LGALS14: variants seen among roughly 807,000 people sequenced by gnomAD.
The protein encoded by LGALS14 is galectin 14, also known as placental protein 13-like.
LGALS14 carries 14 observed loss-of-function variants against 14.6 expected under a neutral mutation model. The ratio of observed to expected loss-of-function variants is 0.96; its 90% CI spans 0.64 to 1.50. The LOEUF is 1.50. Ranked by LOEUF, LGALS14 falls within the 40% of genes most tolerant of loss-of-function variation. LGALS14 has a pLI of 0.00. For synonymous variants in LGALS14, 57 were observed against 63.9 expected (o/e 0.89, Z 0.51); for missense variants, 180 against 172.0 (o/e 1.05, Z -0.26).
chr19:39,705,084 A>G (rs1973694910), intron 1 of LGALS14, among the ~76,000 whole-genome samples: 1 of 151,892 alleles, frequency 6.6e-6, no homozygotes, highest in South Asian at 2.1e-4. Context: ...ACACAGCAGC[A>G]CCTCTGATGA....
intron 1 of LGALS14, among the ~76,000 whole-genome samples, chr19:39,705,001 T>C (rs1973693799): frequency 6.6e-6 from 1 of 152,126 alleles, no homozygotes; most frequent in Non-Finnish European, 1.5e-5. Context: ...TATGGGTGTG[T>C]GTGCTGGGAT....
intron 2 of LGALS14, 139 bp from the exon 3 acceptor site, chr19:39,707,039 C>T: frequency 2.9e-6 from 2 of 691,914 alleles, no homozygotes. Context: ...GCTAAAGCGT[C>T]CCCACAGGGA....
chr19:39,706,900 T>C (rs1973722643), intron 2 of LGALS14, among the ~76,000 whole-genome samples: 1 of 152,126 alleles, frequency 6.6e-6, no homozygotes, highest in African/African-American at 2.4e-5. Flanking sequence ...GGGTTTGGGT[T>C]GTGGCTCTTT....
chr19:39,707,679 G>C (rs1165041939), intron 3 of LGALS14, among the ~76,000 whole-genome samples: 1 of 152,066 alleles, frequency 6.6e-6, no homozygotes, highest in Non-Finnish European at 1.5e-5. Flanking sequence ...TTTTCATTTA[G>C]CTGAATGTAT....
intron 3 of LGALS14, among the ~76,000 whole-genome samples, chr19:39,708,459 G>GA (rs1044234422): frequency 8.6e-5 from 13 of 151,128 alleles, no homozygotes; most frequent in African/African-American, 2.2e-4. Flanking sequence ...AAGATAATTA[G>GA]AAAAAAATGA....
At chr19:39,705,455 C>T (rs1183368252) in intron 1 of LGALS14, among the ~76,000 whole-genome samples, 3 of 152,064 alleles carry the variant, frequency 2.0e-5, no homozygotes, top group African/African-American at 7.2e-5. Flanking sequence ...ACAAAATATC[C>T]ACTGTAAGCT....
chr19:39,709,076 G>A (rs920491242), intron 3 of LGALS14, 121 bp from the exon 4 acceptor site: 35 of 742,200 alleles, frequency 4.7e-5, no homozygotes, highest in Non-Finnish European at 8.4e-5. Context: ...TGTCTACTAG[G>A]TTCACTTGTG....
At chr19:39,708,118 G>A (rs866724032) in intron 3 of LGALS14, among the ~76,000 whole-genome samples, 1 of 152,104 alleles carries the variant, frequency 6.6e-6, no homozygotes, top group Admixed American at 6.6e-5. Flanking sequence ...CCTTTCAGAG[G>A]AAATCTTTTC....
chr19:39,706,127 T>C (rs1027295414), intron 1 of LGALS14: 1 of 1,411,574 alleles, frequency 7.1e-7, no homozygotes, highest in African/African-American at 1.4e-5. Context: ...TCAAGTCTTG[T>C]TTTCATTTTC....
At chr19:39,707,502 C>G (rs777703135) in intron 3 of LGALS14, 114 bp downstream of exon 3, 1 of 831,320 alleles carries the variant, frequency 1.2e-6, no homozygotes, top group Non-Finnish European at 2.0e-6. Flanking sequence ...ATAACTATTC[C>G]TGTTTCAGGT....
intron 2 of LGALS14, 31 bp from the exon 3 acceptor site, chr19:39,707,147 C>T (rs1973726205): frequency 1.9e-6 from 3 of 1,552,004 alleles, no homozygotes; most frequent in Non-Finnish European, 2.7e-6. Context: ...ATGGGGGGAC[C>T]TGCCCAACAT....
In LGALS14 at chr19:39,706,653, G is replaced by A; in HGVS notation, c.72G>A (p.Gly24=). The change falls in exon 2 of 4, where the codon GGG becomes GGA. Residue 24 remains glycine (G), a synonymous_variant. Transcript: ENST00000392052. ...LPVGSCVIIT[G]TPILTFVKDP... Reference sequence around the variant, plus strand: ...TTGGTTCGTGCGTGATAATCACAGGGACACCGATCCTCACTTTTGTGTGAG... The same window carrying A: ...TTGGTTCGTGCGTGATAATCACAGGAACACCGATCCTCACTTTTGTGTGAG... The A allele has an allele frequency of 6.2e-7, 1 of 1,613,810 alleles. No individual in the cohort carries two copies. The highest frequency in any genetic ancestry group is 1.7e-5 in the Admixed American group (1 of 60,024).
chr19:39,708,955 C>T (rs999730747), intron 3 of LGALS14, among the ~76,000 whole-genome samples: 1 of 152,170 alleles, frequency 6.6e-6, no homozygotes, highest in Non-Finnish European at 1.5e-5. Flanking sequence ...AGTAAACGGA[C>T]TGTGTGACAC....
intron 3 of LGALS14, among the ~76,000 whole-genome samples, chr19:39,708,475 AC>A (rs373636426): frequency 1.6e-3 from 238 of 152,332 alleles, no homozygotes; most frequent in African/African-American, 5.5e-3. Context: ...AATGAAAAAA[AC>A]AGCTCAAAAA....
chr19:39,706,528 G>A (rs1973716823), intron 1 of LGALS14, 69 bp from the exon 2 acceptor site: 1 of 1,134,284 alleles, frequency 8.8e-7, no homozygotes, highest in Non-Finnish European at 1.3e-6. Flanking sequence ...CCTGCACCAT[G>A]GGAATCTGTT....
chr19:39,705,811 T>TATCAC (rs1416357694), intron 1 of LGALS14: 2 of 1,470,528 alleles, frequency 1.4e-6, no homozygotes, highest in Admixed American at 1.8e-5. Flanking sequence ...CACCACTGCA[T>TATCAC]ATCAGCCTGG....
At position 39,709,236 on chromosome 19, in the gene LGALS14, C is replaced by T. The variant is rs763021205; in HGVS notation, c.343C>T (p.Arg115Ter). The change falls in exon 4 of 4, where the codon CGA becomes TGA. Residue 115 changes from arginine (R) to a stop codon, truncating the protein, a stop_gained. Coordinates refer to ENST00000392052, the MANE Select transcript of LGALS14 (RefSeq NM_020129.3). LOFTEE classifies it low-confidence loss of function (END_TRUNC). The stretch of plus-strand genomic sequence containing the variant: ...CCAACGCATTTACAACTTTGCCCAT[C>T]GATTCCCGCCAGCATCTGTGAAGAT... ...NGQRIYNFAH[R>*]FPPASVKMLQ... 40 of 1,613,464 alleles carry T rather than the reference C, an allele frequency of 2.5e-5. No homozygotes were observed. Among genetic ancestry groups the T allele is most frequent in the South Asian group, 1.8e-4 (16 of 91,060 alleles).
At chr19:39,704,833 C>T (rs1303476400) in intron 1 of LGALS14, among the ~76,000 whole-genome samples, 2 of 152,068 alleles carry the variant, frequency 1.3e-5, no homozygotes, top group African/African-American at 4.8e-5. Context: ...CCCACCAGGA[C>T]CGGCAAGTGT....
At chr19:39,707,776 A>G (rs1247678849) in intron 3 of LGALS14, among the ~76,000 whole-genome samples, 1 of 152,134 alleles carries the variant, frequency 6.6e-6, no homozygotes, top group Non-Finnish European at 1.5e-5. Context: ...GAACACCATT[A>G]CTAGAGTTCT....
Sources: gnomAD v4.1 joint callset for allele counts (sites outside exome capture counted in the v4.1 genomes callset) on GRCh38, gnomAD v4.1.1 for gene constraint, MANE v1.5 for transcripts, NCBI Gene and HGNC (gene_info 2026-07-23, HGNC 2026-07-21) for gene names.